NCALD: variants seen among roughly 807,000 people sequenced by gnomAD.
The protein encoded by NCALD is neurocalcin delta.
In NCALD, 10 loss-of-function variants were observed where a neutral mutation model predicts 18.6. That is an observed-to-expected ratio of 0.54 (90% CI 0.33 to 0.91). The LOEUF is 0.91. NCALD is among the 40% of genes least tolerant of loss of function. The probability of loss-of-function intolerance (pLI) is 0.03; values close to 1 mark genes in which losing one functional copy is unlikely to be tolerated. For synonymous variants in NCALD, 88 were observed against 87.4 expected, an observed-to-expected ratio of 1.01 and a Z score of -0.04; for missense variants, 184 against 247.6, an observed-to-expected ratio of 0.74 and a Z score of 1.72.
chr8:102,057,153 A>G (rs1385434684), intron 1 of NCALD, among the ~76,000 whole-genome samples: 3 of 151,988 alleles, frequency 2.0e-5, no homozygotes, highest in African/African-American at 7.3e-5. Flanking sequence ...AGACACACCA[A>G]AAAGTCTGTA....
intron 1 of NCALD, among the ~76,000 whole-genome samples, chr8:101,760,767 GT>G (rs1328135331): frequency 3.3e-5 from 5 of 152,280 alleles, no homozygotes; most frequent in Middle Eastern, 3.4e-3. Context: ...ATGAAGTTAA[GT>G]CATGCAAAGG....
chr8:102,009,485 T>G (rs1359651942), intron 2 of NCALD, among the ~76,000 whole-genome samples: 2 of 152,228 alleles, frequency 1.3e-5, no homozygotes, highest in Non-Finnish European at 2.9e-5. Context: ...TCTCTGAAAT[T>G]GGAAGAGATT....
intron 1 of NCALD, among the ~76,000 whole-genome samples, chr8:102,074,915 T>C (rs919680925): frequency 4.6e-5 from 7 of 152,198 alleles, no homozygotes; most frequent in Non-Finnish European, 1.0e-4. Flanking sequence ...CTGGGAACTT[T>C]GTTGTACTGC....
intron 3 of NCALD, chr8:101,690,864 A>G: frequency 3.0e-6 from 3 of 985,138 alleles, no homozygotes; most frequent in Non-Finnish European, 3.6e-6. Flanking sequence ...AACACTTTGC[A>G]GTCTCTCAGG....
At chr8:101,781,400 G>T (rs1812006527) in intron 1 of NCALD, among the ~76,000 whole-genome samples, 1 of 152,052 alleles carries the variant, frequency 6.6e-6, no homozygotes. Flanking sequence ...GCTCACCAAG[G>T]GTTCCCTCAC....
In NCALD at chr8:101,689,414, G is replaced by T; in HGVS notation, c.485-8C>A. The T allele has an allele frequency of 1.3e-6, 2 of 1,592,374 alleles. No homozygotes were observed. Among genetic ancestry groups the T allele is most frequent in the Non-Finnish European group, 1.7e-6 (2 of 1,168,988 alleles). On this transcript the variant is annotated splice_region_variant and splice_polypyrimidine_tract_variant and intron_variant, in intron 3 of 3. Transcript: ENST00000220931. This position sits in a 1 kb window ranked among gnomAD's most constrained non-coding sequence, Gnocchi z 4.4. ...CTTCCAGGGAGAGTTTTCCTAGGAA[G>T]CAAGAGGACAGGTGAGTGGTGGCTG...
chr8:102,004,872 A>C (rs1487713625), intron 2 of NCALD, among the ~76,000 whole-genome samples: 1 of 152,218 alleles, frequency 6.6e-6, no homozygotes, highest in Non-Finnish European at 1.5e-5. Context: ...CTTATACAAA[A>C]ATCAATTCAA....
At chr8:101,995,098 T>C (rs931392866) in intron 2 of NCALD, among the ~76,000 whole-genome samples, 4 of 152,216 alleles carry the variant, frequency 2.6e-5, no homozygotes, top group Non-Finnish European at 4.4e-5. Context: ...ATCTCTATTA[T>C]GGTACACATC....
intron 1 of NCALD, among the ~76,000 whole-genome samples, chr8:102,036,158 T>A (rs1388390435): frequency 2.0e-5 from 3 of 151,352 alleles, no homozygotes; most frequent in South Asian, 2.1e-4. Flanking sequence ...AATTAATTAA[T>A]TAAATTAGCC....
In NCALD at chr8:101,732,590, C is replaced by CTTTTTTTTTTT. The variant is rs576286368; in HGVS notation, c.-19-12953_-19-12943dup. On this transcript the variant is annotated intron_variant, in intron 1 of 3. Transcript: ENST00000220931. The stretch of plus-strand genomic sequence containing the variant: ...AATTCAGAGTATTTCTTTTTCTTTG[C>CTTTTTTTTTTT]TTTTTTTTTTTTTTTTTTTTTTTTT... 1.8e-3 allele frequency among the ~76,000 whole-genome samples: 94 copies of CTTTTTTTTTTT among 53,678 alleles called. 8 individuals carry two copies. The highest frequency in any genetic ancestry group is 2.6e-3 in the Non-Finnish European group (77 of 29,750). 35.2% of individuals were successfully genotyped at this position (53,678 alleles called of 152,430 possible).
chr8:102,061,674 T>C (rs957932347), intron 1 of NCALD, among the ~76,000 whole-genome samples: 11 of 152,210 alleles, frequency 7.2e-5, no homozygotes, highest in African/African-American at 2.7e-4. Context: ...TGAATAATAT[T>C]TTTAAATGTA....
chr8:102,026,925 C>T (rs909048471), intron 1 of NCALD, among the ~76,000 whole-genome samples: 1 of 152,214 alleles, frequency 6.6e-6, no homozygotes, highest in Non-Finnish European at 1.5e-5. Context: ...CACATGAAAG[C>T]TGCCAAGGCC....
chr8:101,755,252 C>T (rs1163350943), intron 1 of NCALD, among the ~76,000 whole-genome samples: 3 of 152,202 alleles, frequency 2.0e-5, no homozygotes, highest in African/African-American at 7.2e-5. Context: ...TCCTGGTTTG[C>T]CCTCAACAGT....
intron 1 of NCALD, among the ~76,000 whole-genome samples, chr8:101,783,467 A>G (rs904690777): frequency 6.6e-6 from 1 of 152,210 alleles, no homozygotes; most frequent in South Asian, 2.1e-4. Context: ...GGCTAAGGAG[A>G]ATACCCTAGC....
chr8:101,826,390 C>T (rs2131218802), intron 4 of NCALD, among the ~76,000 whole-genome samples: 1 of 152,256 alleles, frequency 6.6e-6, no homozygotes, highest in East Asian at 1.9e-4. Flanking sequence ...CATGAGACTT[C>T]TAGAATCTTC....
chr8:102,114,517 T>G (rs1016087791), intron 1 of NCALD, among the ~76,000 whole-genome samples: 2 of 152,130 alleles, frequency 1.3e-5, no homozygotes, highest in African/African-American at 4.8e-5. Flanking sequence ...CAGGAAGCCA[T>G]GACCACCCTA....
At chr8:101,905,341 C>A (rs1451936708) in intron 3 of NCALD, among the ~76,000 whole-genome samples, 1 of 151,696 alleles carries the variant, frequency 6.6e-6, no homozygotes, top group Non-Finnish European at 1.5e-5. Flanking sequence ...TTTTTTGACC[C>A]CCTACTTGCT....
At chr8:102,118,273 G>T (rs1825847841) in intron 1 of NCALD, among the ~76,000 whole-genome samples, 2 of 152,202 alleles carry the variant, frequency 1.3e-5, no homozygotes, top group Admixed American at 6.5e-5. Flanking sequence ...CAGCAGCCCT[G>T]TCCCCTGAAC....
intron 2 of NCALD, among the ~76,000 whole-genome samples, chr8:101,712,972 A>T (rs1057169988): frequency 6.6e-6 from 1 of 152,208 alleles, no homozygotes; most frequent in African/African-American, 2.4e-5. Context: ...TCAACAGTGT[A>T]TACATTCTTC....
Sources: gnomAD v4.1 joint callset for allele counts (sites outside exome capture counted in the v4.1 genomes callset) on GRCh38, gnomAD v4.1.1 for gene constraint, Gnocchi (gnomAD v3.1) non-coding constraint, MANE v1.5 for transcripts, NCBI Gene and HGNC (gene_info 2026-07-23, HGNC 2026-07-21) for gene names.